Variants in ITPRID1 observed in about 807,000 individuals in gnomAD.
The protein encoded by ITPRID1 is protein ITPRID1.
In ITPRID1, 96 loss-of-function variants were observed where a neutral mutation model predicts 95.4. The ratio of observed to expected loss-of-function variants is 1.01; its 90% CI spans 0.85 to 1.19. The LOEUF is 1.19. Among genes scored for constraint, ITPRID1 ranks in the 50% most tolerant of loss-of-function variants. The probability of loss-of-function intolerance (pLI) is 0.00; values close to 1 mark genes in which losing one functional copy is unlikely to be tolerated. For missense variants in ITPRID1, 1,339 were observed against 1,252.9 expected (o/e 1.07, Z -1.04); for synonymous variants, 510 against 453.6 (o/e 1.12, Z -1.58).
intron 10 of ITPRID1, among the ~76,000 whole-genome samples, chr7:31,629,920 A>G (rs1175367987): frequency 6.6e-6 from 1 of 152,214 alleles, no homozygotes; most frequent in Non-Finnish European, 1.5e-5. Context: ...GGCAAAGTCT[A>G]AAGAATTGTA....
intron 10 of ITPRID1, among the ~76,000 whole-genome samples, chr7:31,605,881 G>A (rs377062771): frequency 3.3e-5 from 5 of 152,240 alleles, no homozygotes; most frequent in South Asian, 2.1e-4. Flanking sequence ...AACTCTAGCC[G>A]GCTTCTGGTG....
intron 10 of ITPRID1, among the ~76,000 whole-genome samples, chr7:31,599,156 C>CA (rs1376037231): frequency 1.3e-5 from 2 of 151,820 alleles, no homozygotes; most frequent in African/African-American, 2.4e-5. Flanking sequence ...TTGTCAACAA[C>CA]ATAAGGGCAA....
In ITPRID1 at chr7:31,643,422, G is replaced by A. The variant is rs181108787; in HGVS notation, c.2052G>A (p.Leu684=). ...AGGTGAAGTCAAGGTCTGGTACTTT[G>A]GGTCAGATACTACCTGGGACAGAAG... The part of the protein sequence containing the change: ...PAQVKSRSGT[L]GQILPGTEAE... The change falls in exon 12 of 15, where the codon TTG becomes TTA. Residue 684 remains leucine, a synonymous_variant. Transcript: ENST00000615280. 318 of 1,613,954 alleles carry A rather than the reference G, an allele frequency of 2.0e-4. 1 individual carries two copies. The highest frequency in any genetic ancestry group is 5.8e-5 in the Non-Finnish European group (68 of 1,179,882).
chr7:31,519,622 A>G (rs796653792), intron 1 of ITPRID1, among the ~76,000 whole-genome samples: 1 of 38,212 alleles, frequency 2.6e-5, no homozygotes, highest in Non-Finnish European at 5.7e-5. Flanking sequence ...CTCTCTCTCT[A>G]TATATATATA....
chr7:31,649,824 A>C (rs1040653371), intron 12 of ITPRID1, among the ~76,000 whole-genome samples: 1 of 152,174 alleles, frequency 6.6e-6, no homozygotes, highest in Non-Finnish European at 1.5e-5. Context: ...TGGAGGTGCC[A>C]AAGGTAAATA....
At chr7:31,577,753 T>C in intron 8 of ITPRID1, 110 bp from the exon 9 acceptor site, 3 of 874,112 alleles carry the variant, frequency 3.4e-6, no homozygotes, top group Non-Finnish European at 5.2e-6. Flanking sequence ...CCTAATGTCC[T>C]TCCTATCTTG....
At chr7:31,558,100 TAAAAG>T (rs1005555537) in intron 5 of ITPRID1, among the ~76,000 whole-genome samples, 3 of 151,622 alleles carry the variant, frequency 2.0e-5, no homozygotes, top group African/African-American at 7.2e-5. Flanking sequence ...GGGCTCCTGA[TAAAAG>T]GATGGGTTTG....
Position 31,615,206 on chromosome 7 carries a change from C to T in ITPRID1, c.1229-26970C>T, listed in dbSNP as rs950079522. On this transcript the variant is annotated intron_variant, in intron 10 of 14. Transcript: ENST00000615280. ...GATATTTTCCCATTTAGTCTTTGGACATGGATATAGGGCTGACTAGTGAAA... is the reference window on the plus strand; with the variant it reads ...GATATTTTCCCATTTAGTCTTTGGATATGGATATAGGGCTGACTAGTGAAA... Among the ~76,000 whole-genome samples the T allele has an allele frequency of 2.0e-5, 3 of 152,114 alleles. No individual in the cohort carries two copies. In the East Asian group the frequency reaches 5.8e-4, roughly 29 times the overall value.
intron 5 of ITPRID1, 92 bp from the exon 6 acceptor site, chr7:31,569,666 T>C (rs1040651393): frequency 3.7e-5 from 41 of 1,098,848 alleles, no homozygotes; most frequent in Non-Finnish European, 5.3e-5. Context: ...GATATGGAAA[T>C]TCAATTCTAC....
At chr7:31,650,085 A>T (rs183052792) in intron 12 of ITPRID1, among the ~76,000 whole-genome samples, 1 of 152,336 alleles carries the variant, frequency 6.6e-6, no homozygotes, top group East Asian at 1.9e-4. Flanking sequence ...GCCCTCCTAG[A>T]GACCGGGGAC....
At chr7:31,642,062 C>A in intron 10 of ITPRID1, 114 bp from the exon 11 acceptor site, 1 of 568,576 alleles carries the variant, frequency 1.8e-6, no homozygotes, top group South Asian at 3.3e-5. Flanking sequence ...TTCTTCCACA[C>A]AGTGGGCATT....
At chr7:31,570,495 A>G (rs766208620) in intron 6 of ITPRID1, among the ~76,000 whole-genome samples, 3 of 152,220 alleles carry the variant, frequency 2.0e-5, no homozygotes, top group Non-Finnish European at 4.4e-5. Context: ...TCGCATTTTC[A>G]GGATAATTCC....
intron 1 of ITPRID1, chr7:31,517,911 G>A (rs1202163395): frequency 2.0e-5 from 3 of 152,292 alleles, no homozygotes; most frequent in Non-Finnish European, 4.4e-5. Context: ...CTGAGTTATG[G>A]GAGAAAGATG....
In ITPRID1 at chr7:31,655,960, CCAATT is replaced by C. The variant is rs1791284769; in HGVS notation, c.*3133_*3137del. 3 of 985,344 alleles carry C rather than the reference CCAATT, an allele frequency of 3.0e-6. No individual in the cohort carries two copies. The highest frequency in any genetic ancestry group is 1.1e-4 in the East Asian group (1 of 8,816). The allele number at this position is 985,344 out of a possible 1,614,324, so 61.0% of individuals were successfully genotyped here. ...TCCTGCTCATCCCTCAGATGAATCT[CCAATT>C]CTATTCCCCTAAACCACCTCCTGTG... is the stretch of plus-strand genomic sequence containing the variant. On this transcript the variant is annotated 3_prime_UTR_variant, in exon 15 of 15. Transcript: ENST00000615280.
chr7:31,630,669 T>C (rs1438025430), intron 10 of ITPRID1, among the ~76,000 whole-genome samples: 1 of 151,996 alleles, frequency 6.6e-6, no homozygotes. Flanking sequence ...TTACAAACAA[T>C]AAGACTAAAT....
chr7:31,609,010 T>G (rs1017701651), intron 10 of ITPRID1, among the ~76,000 whole-genome samples: 3 of 151,732 alleles, frequency 2.0e-5, no homozygotes, highest in African/African-American at 7.2e-5. Context: ...TCTTCCTAGT[T>G]TGTTGGGTGT....
chr7:31,657,414 T>A (rs968632129), downstream of ITPRID1, among the ~76,000 whole-genome samples: 1 of 152,314 alleles, frequency 6.6e-6, no homozygotes, highest in African/African-American at 2.4e-5. Flanking sequence ...TAAACAAAGA[T>A]CTCATTGCTA....
chr7:31,547,586 A>G (rs924619623), intron 1 of ITPRID1, among the ~76,000 whole-genome samples: 2 of 152,132 alleles, frequency 1.3e-5, no homozygotes, highest in Non-Finnish European at 2.9e-5. Context: ...TATGGGGACT[A>G]TAGGAACTAC....
intron 5 of ITPRID1, among the ~76,000 whole-genome samples, chr7:31,565,737 CAAAAAAA>C (rs901484897): frequency 8.9e-5 from 5 of 56,338 alleles, no homozygotes; most frequent in African/African-American, 2.5e-4. Flanking sequence ...GACTCCATCT[CAAAAAAA>C]TAAAAAATAA....
Sources: gnomAD v4.1 joint callset for allele counts (sites outside exome capture counted in the v4.1 genomes callset) on GRCh38, gnomAD v4.1.1 for gene constraint, MANE v1.5 for transcripts, NCBI Gene and HGNC (gene_info 2026-07-23, HGNC 2026-07-21) for gene names.